Variants in LYPD6B observed in about 807,000 individuals in gnomAD.
LYPD6B encodes LY6/PLAUR domain containing 6B.
In LYPD6B, 17 loss-of-function variants were observed where a neutral mutation model predicts 22.8. That is an observed-to-expected ratio of 0.75 (90% CI 0.51 to 1.12). The LOEUF is 1.12. LYPD6B is among the 50% of genes most tolerant of loss of function. The pLI, the probability that LYPD6B is intolerant of heterozygous loss-of-function variation, is 0.00. For synonymous variants in LYPD6B, 106 were observed against 91.6 expected (o/e 1.16, Z -0.90); for missense variants, 221 against 258.3 (o/e 0.86, Z 0.99).
chr2:149,107,224 TAATC>T (rs1421964134), intron 1 of LYPD6B, among the ~76,000 whole-genome samples: 2 of 152,196 alleles, frequency 1.3e-5, no homozygotes, highest in African/African-American at 4.8e-5. Context: ...GATACCACAG[TAATC>T]AATCAGATAA....
intron 2 of LYPD6B, among the ~76,000 whole-genome samples, chr2:149,149,307 G>C (rs1033617804): frequency 2.6e-5 from 4 of 152,030 alleles, no homozygotes; most frequent in African/African-American, 9.7e-5. Flanking sequence ...AAGAAACTAA[G>C]CTCTCTTGAA....
intron 1 of LYPD6B, among the ~76,000 whole-genome samples, chr2:149,110,197 G>C (rs946661494): frequency 6.6e-6 from 1 of 152,030 alleles, no homozygotes. Context: ...ATTTGGGGCT[G>C]TACTTTTTCA....
At chr2:149,040,382 C>T (rs1450743836) in intron 1 of LYPD6B, among the ~76,000 whole-genome samples, 9 of 152,014 alleles carry the variant, frequency 5.9e-5, no homozygotes, top group Non-Finnish European at 1.2e-4. Context: ...CCGGCCACCA[C>T]GTGGGACTAA....
At chr2:149,040,222 T>TC (rs368752040) in intron 1 of LYPD6B, among the ~76,000 whole-genome samples, 44 of 23,416 alleles carry the variant, frequency 1.9e-3, no homozygotes, top group African/African-American at 2.8e-3. Flanking sequence ...TCTCTCTCTC[T>TC]TTTTTTTTTT....
Position 149,145,002 on chromosome 2 carries a change from C to A in LYPD6B, c.5+14049C>A, listed in dbSNP as rs531186881. ...GATGGGGCTTCAGAGGTCCTGAGAA[C>A]CCCCTAAACTGAGAGTGTACAGATT... On this transcript the variant is annotated intron_variant, in intron 2 of 6. Transcript: ENST00000409642. Among the ~76,000 whole-genome samples the A allele has an allele frequency of 2.2e-4, 34 of 152,212 alleles. No individual in the cohort carries two copies. In the South Asian group the frequency reaches 6.2e-3, roughly 28 times the overall value.
chr2:149,102,216 T>C (rs1449881508), intron 1 of LYPD6B, among the ~76,000 whole-genome samples: 1 of 152,106 alleles, frequency 6.6e-6, no homozygotes, highest in Non-Finnish European at 1.5e-5. Flanking sequence ...TTTAAAAAAG[T>C]AGTTCATAAA....
intron 1 of LYPD6B, among the ~76,000 whole-genome samples, chr2:149,070,265 G>A (rs1228356499): frequency 1.3e-5 from 2 of 152,044 alleles, no homozygotes; most frequent in South Asian, 2.1e-4. Flanking sequence ...ACTCTTCCCC[G>A]CTAACCTAGA....
intron 2 of LYPD6B, among the ~76,000 whole-genome samples, chr2:149,150,082 A>G (rs1689275122): frequency 6.6e-6 from 1 of 152,172 alleles, no homozygotes; most frequent in Admixed American, 6.5e-5. Flanking sequence ...CCCAACATGT[A>G]CTGTGATCAC....
chr2:149,102,778 C>T lies in LYPD6B; in HGVS notation c.-66-28105C>T, dbSNP rs939114006. The stretch of plus-strand genomic sequence containing the variant: ...CCAAGTCACTGGGATTAAAGGTGCC[C>T]GCCACCATACCTGGCTTATTTTTGT... On this transcript the variant is annotated intron_variant, in intron 1 of 6. Coordinates refer to ENST00000409642, the MANE Select transcript of LYPD6B (RefSeq NM_177964.5). Among the ~76,000 whole-genome samples, 7 of 152,052 alleles carry T rather than the reference C, an allele frequency of 4.6e-5. No individual in the cohort carries two copies. The South Asian group carries it at 8.3e-4, about 18-fold the overall frequency.
intron 3 of LYPD6B, among the ~76,000 whole-genome samples, chr2:149,198,493 T>C (rs903876475): frequency 6.6e-6 from 1 of 152,204 alleles, no homozygotes; most frequent in African/African-American, 2.4e-5. Context: ...TTCTTAAAAT[T>C]TGAATCACAT....
At chr2:149,185,490 A>T (rs1230831561) in intron 3 of LYPD6B, among the ~76,000 whole-genome samples, 1 of 152,184 alleles carries the variant, frequency 6.6e-6, no homozygotes, top group Non-Finnish European at 1.5e-5. Context: ...GTGGGGAAAA[A>T]TGCAAGGTTT....
At chr2:149,132,159 T>C (rs1688070921) in intron 2 of LYPD6B, among the ~76,000 whole-genome samples, 1 of 151,802 alleles carries the variant, frequency 6.6e-6, no homozygotes, top group African/African-American at 2.4e-5. Context: ...TTTCATTGAA[T>C]GCTTAAAGAA....
intron 2 of LYPD6B, among the ~76,000 whole-genome samples, chr2:149,149,415 C>T (rs967451376): frequency 2.9e-5 from 4 of 136,882 alleles, no homozygotes; most frequent in African/African-American, 9.8e-5. Flanking sequence ...GTACTCAAAT[C>T]CTACACACAC....
In LYPD6B at chr2:149,177,835, G is replaced by GTTT. The variant is rs35470511; in HGVS notation, c.77+17016_77+17018dup. ...CTGGCACTGTATCCCTTCTGCAAGA[G>GTTT]TTTTTTTTTTTTTTTTTTGTACTAT... On this transcript the variant is annotated intron_variant, in intron 3 of 6. Transcript: ENST00000409642. Among the ~76,000 whole-genome samples the GTTT allele has an allele frequency of 2.2e-3, 284 of 131,844 alleles. 3 individuals carry two copies. Among genetic ancestry groups the GTTT allele is most frequent in the African/African-American group, 6.9e-3 (243 of 35,164 alleles). The allele number at this position is 131,844 out of a possible 152,430, so 86.5% of individuals were successfully genotyped here.
intron 1 of LYPD6B, among the ~76,000 whole-genome samples, chr2:149,043,522 C>T (rs1413994773): frequency 6.6e-6 from 1 of 152,036 alleles, no homozygotes; most frequent in African/African-American, 2.4e-5. Context: ...TTGTTCAGTA[C>T]AATAATTTGG....
intron 3 of LYPD6B, among the ~76,000 whole-genome samples, chr2:149,183,141 T>A (rs978887377): frequency 1.3e-5 from 2 of 152,196 alleles, no homozygotes; most frequent in African/African-American, 2.4e-5. Context: ...AAAATTTAAT[T>A]TTTTTCCCTT....
chr2:149,096,180 A>G (rs185826394), intron 1 of LYPD6B, among the ~76,000 whole-genome samples: 50 of 152,306 alleles, frequency 3.3e-4, no homozygotes, highest in African/African-American at 1.2e-3. Context: ...AAAGAGATAC[A>G]GAAAGAGACA....
At chr2:149,182,966 T>C (rs1001579035) in intron 3 of LYPD6B, among the ~76,000 whole-genome samples, 1 of 152,228 alleles carries the variant, frequency 6.6e-6, no homozygotes, top group African/African-American at 2.4e-5. Flanking sequence ...GTGGAAATTA[T>C]TTCATTTTGG....
intron 1 of LYPD6B, among the ~76,000 whole-genome samples, chr2:149,069,535 A>ATAGCATCT (rs1407033332): frequency 6.6e-6 from 1 of 152,182 alleles, no homozygotes; most frequent in Non-Finnish European, 1.5e-5. Context: ...ATTTTGGCTG[A>ATAGCATCT]TAGCATCTTA....
Sources: gnomAD v4.1 joint callset for allele counts (sites outside exome capture counted in the v4.1 genomes callset) on GRCh38, gnomAD v4.1.1 for gene constraint, MANE v1.5 for transcripts, NCBI Gene and HGNC (gene_info 2026-07-23, HGNC 2026-07-21) for gene names.